The following KHDRBS2 variants were observed in gnomAD, a reference collection of about 807,000 sequenced individuals.
The protein encoded by KHDRBS2 is KH RNA binding domain containing, signal transduction associated 2, also known as KH domain-containing, RNA-binding, signal transduction-associated protein 2.
Under a neutral mutation model 44.3 loss-of-function variants are expected in KHDRBS2, and 26 were observed. The observed-to-expected ratio is 0.59, with a 90% CI of 0.43 to 0.81. KHDRBS2 has a LOEUF of 0.81. KHDRBS2 is among the 40% of genes least tolerant of loss of function. The pLI, the probability that KHDRBS2 is intolerant of heterozygous loss-of-function variation, is 0.00. For missense variants in KHDRBS2, 476 were observed against 433.1 expected (o/e 1.10, Z -0.88); for synonymous variants, 194 against 151.1 (o/e 1.28, Z -2.08).
the KHDRBS2 span, among the ~76,000 whole-genome samples, chr6:61,570,613 T>A: frequency 1.3e-5 from 2 of 152,044 alleles, no homozygotes; most frequent in Middle Eastern, 3.2e-3. Flanking sequence ...CCCAGGCACA[T>A]AGTCATCAAG....
chr6:61,950,759 G>A (rs1764570635), intron 4 of KHDRBS2, among the ~76,000 whole-genome samples: 1 of 151,974 alleles, frequency 6.6e-6, no homozygotes, highest in South Asian at 2.1e-4. Flanking sequence ...GTCAGAGAAG[G>A]AGAAGAATCT....
intron 6 of KHDRBS2, among the ~76,000 whole-genome samples, chr6:61,809,792 C>A (rs1482158042): frequency 6.6e-6 from 1 of 152,090 alleles, no homozygotes; most frequent in African/African-American, 2.4e-5. Flanking sequence ...ATAAATATTG[C>A]AGTTTTTATA....
chr6:62,141,204 C>T (rs1812731004), intron 2 of KHDRBS2, among the ~76,000 whole-genome samples: 1 of 152,064 alleles, frequency 6.6e-6, no homozygotes, highest in Non-Finnish European at 1.5e-5. Context: ...GAGTAGAATG[C>T]ATATTGTAAA....
At chr6:61,808,817 A>T (rs1033956437) in intron 6 of KHDRBS2, among the ~76,000 whole-genome samples, 5 of 152,050 alleles carry the variant, frequency 3.3e-5, no homozygotes, top group African/African-American at 1.2e-4. Context: ...ACTTTTTTTT[A>T]AATTAAATTC....
chr6:62,096,792 G>A (rs538658013), intron 2 of KHDRBS2, among the ~76,000 whole-genome samples: 80 of 151,706 alleles, frequency 5.3e-4, no homozygotes, highest in African/African-American at 1.7e-3. Context: ...AGTTCCTTGA[G>A]CTGCAACATT....
intron 2 of KHDRBS2, among the ~76,000 whole-genome samples, chr6:62,160,718 C>T (rs1339546983): frequency 2.6e-5 from 4 of 151,978 alleles, no homozygotes; most frequent in East Asian, 1.9e-4. Flanking sequence ...TGAGAGAAAA[C>T]GATGACTTAG....
the KHDRBS2 span, among the ~76,000 whole-genome samples, chr6:61,551,223 T>C: frequency 3.3e-5 from 5 of 152,226 alleles, no homozygotes; most frequent in South Asian, 8.3e-4. Flanking sequence ...GATTGTTTTT[T>C]GCTTGTGAAT....
At chr6:61,799,678 T>TAA (rs1262648055) in intron 6 of KHDRBS2, among the ~76,000 whole-genome samples, 6 of 152,002 alleles carry the variant, frequency 3.9e-5, no homozygotes, top group Non-Finnish European at 7.4e-5. Context: ...TATATATATA[T>TAA]AATGTTATAT....
the KHDRBS2 span, among the ~76,000 whole-genome samples, chr6:61,668,678 C>T: frequency 3.3e-5 from 5 of 151,062 alleles, no homozygotes; most frequent in Non-Finnish European, 5.9e-5. Flanking sequence ...TTGTTTTTCA[C>T]ATTACTATCT....
chr6:62,238,044 C>T (rs1200371283), intron 1 of KHDRBS2, among the ~76,000 whole-genome samples: 1 of 118,594 alleles, frequency 8.4e-6, no homozygotes, highest in Non-Finnish European at 1.8e-5. Flanking sequence ...CAGGGCAAGA[C>T]TCTGTCTCAA....
At chr6:62,134,120 A>G (rs774810784) in intron 2 of KHDRBS2, among the ~76,000 whole-genome samples, 3 of 152,276 alleles carry the variant, frequency 2.0e-5, no homozygotes, top group Admixed American at 6.5e-5. Flanking sequence ...CTTGTCAGAG[A>G]CCTTTCCAGC....
Position 61,970,347 on chromosome 6 carries a change from TA to T in KHDRBS2, c.483+7718del, listed in dbSNP as rs561484423. ...ATTTTCAGACTCTTTCAAATGCATT[TA>T]AAAAAAAAATCCCATCATTTTATTT... On this transcript the variant is annotated intron_variant, in intron 4 of 8. Transcript: ENST00000281156. Among the ~76,000 whole-genome samples, 235 of 150,240 alleles carry T rather than the reference TA, an allele frequency of 1.6e-3. 3 individuals are homozygous for T. Among genetic ancestry groups the T allele is most frequent in the African/African-American group, 4.1e-3 (168 of 41,074 alleles).
chr6:61,982,810 G>A (rs1774137982), intron 3 of KHDRBS2, among the ~76,000 whole-genome samples: 1 of 152,186 alleles, frequency 6.6e-6, no homozygotes, highest in African/African-American at 2.4e-5. Context: ...AGTAGACTAA[G>A]AAAGGGTGAT....
chr6:61,939,619 T>A (rs993357905), intron 4 of KHDRBS2, among the ~76,000 whole-genome samples: 13 of 152,326 alleles, frequency 8.5e-5, no homozygotes, highest in African/African-American at 2.9e-4. Flanking sequence ...GAAGAAGAAG[T>A]GGGTATGACC....
chr6:62,200,491 T>TC (rs1826719885), intron 1 of KHDRBS2, among the ~76,000 whole-genome samples: 1 of 152,120 alleles, frequency 6.6e-6, no homozygotes, highest in Admixed American at 6.6e-5. Context: ...AAAATGCTTA[T>TC]CATCACCGGC....
At chr6:62,175,750 C>T (rs1172633207) in intron 2 of KHDRBS2, among the ~76,000 whole-genome samples, 3 of 151,440 alleles carry the variant, frequency 2.0e-5, no homozygotes, top group Non-Finnish European at 1.5e-5. Context: ...AATTTGACAT[C>T]ATAGAATATT....
intron 1 of KHDRBS2, among the ~76,000 whole-genome samples, chr6:62,276,973 C>G (rs1841031086): frequency 6.6e-6 from 1 of 152,144 alleles, no homozygotes; most frequent in Non-Finnish European, 1.5e-5. Context: ...ATGCTAATAA[C>G]TACACAATAA....
In KHDRBS2 at chr6:61,724,220, T is replaced by A. The variant is rs6940736; in HGVS notation, c.893+8462A>T. On this transcript the variant is annotated intron_variant, in intron 7 of 8. Transcript: ENST00000281156. Reference sequence around the variant, plus strand: ...AATTTCATATCTGACCAAACTAAGCTTCATAAATGATGGAGAAATAAGATC... The same window carrying A: ...AATTTCATATCTGACCAAACTAAGCATCATAAATGATGGAGAAATAAGATC... 2.2e-4 allele frequency among the ~76,000 whole-genome samples: 33 copies of A among 151,942 alleles called. No individual in the cohort carries two copies. In the East Asian group the frequency reaches 4.9e-3, roughly 22 times the overall value.
chr6:62,058,208 G>A (rs1047699770), intron 2 of KHDRBS2, among the ~76,000 whole-genome samples: 5 of 151,760 alleles, frequency 3.3e-5, no homozygotes, highest in African/African-American at 1.2e-4. Flanking sequence ...TCTGCTATGT[G>A]ATGCAAGGCC....
Sources: gnomAD v4.1 joint callset for allele counts (sites outside exome capture counted in the v4.1 genomes callset) on GRCh38, gnomAD v4.1.1 for gene constraint, MANE v1.5 for transcripts, NCBI Gene and HGNC (gene_info 2026-07-23, HGNC 2026-07-21) for gene names.